Variants in RAB11FIP2 observed in about 807,000 individuals in gnomAD.
RAB11FIP2 encodes RAB11 family interacting protein 2.
A neutral mutation model predicts 40.9 loss-of-function variants in RAB11FIP2; 16 were observed. That is an observed-to-expected ratio of 0.39 (90% CI 0.26 to 0.59). The LOEUF is 0.59. Among genes scored for constraint, RAB11FIP2 ranks in the 20% least tolerant of loss-of-function variants. The pLI, the probability that RAB11FIP2 is intolerant of heterozygous loss-of-function variation, is 0.53. For synonymous variants in RAB11FIP2, 228 were observed against 213.7 expected (o/e 1.07, Z -0.58); for missense variants, 532 against 606.2 (o/e 0.88, Z 1.28).
intron 4 of RAB11FIP2, among the ~76,000 whole-genome samples, chr10:118,014,859 T>C (rs1249499901): frequency 1.3e-5 from 2 of 152,190 alleles, no homozygotes; most frequent in Non-Finnish European, 2.9e-5. Flanking sequence ...TGAACTTTCA[T>C]AGATCATACG....
intron 3 of RAB11FIP2, among the ~76,000 whole-genome samples, chr10:118,036,389 T>C (rs1163020832): frequency 1.3e-5 from 2 of 152,078 alleles, no homozygotes; most frequent in Non-Finnish European, 2.9e-5. Context: ...CAAAAGTGCA[T>C]TCGGTTAGGA....
intron 3 of RAB11FIP2, among the ~76,000 whole-genome samples, chr10:118,030,524 C>T (rs12355675): frequency 3.3e-5 from 5 of 152,104 alleles, no homozygotes; most frequent in Admixed American, 6.6e-5. Flanking sequence ...TACAGTCTCT[C>T]TAAAGAGGTC....
chr10:118,013,607 C>T (rs544806189), intron 4 of RAB11FIP2, among the ~76,000 whole-genome samples: 2 of 152,154 alleles, frequency 1.3e-5, no homozygotes, highest in African/African-American at 2.4e-5. Context: ...ATGATCAGTA[C>T]GAAGATGCGC....
chr10:118,030,450 C>A (rs565245888), intron 3 of RAB11FIP2, among the ~76,000 whole-genome samples: 1 of 152,198 alleles, frequency 6.6e-6, no homozygotes, highest in South Asian at 2.1e-4. Context: ...ATTACCTAAA[C>A]TATATCTCCA....
intron 4 of RAB11FIP2, among the ~76,000 whole-genome samples, chr10:118,010,388 T>C (rs1846141778): frequency 6.6e-6 from 1 of 152,136 alleles, no homozygotes; most frequent in Non-Finnish European, 1.5e-5. Flanking sequence ...ATCTATTCAG[T>C]GGAGGATGGG....
In RAB11FIP2 at chr10:118,008,797, A is replaced by C. The variant is rs1846123882; in HGVS notation, c.*201T>G. The C allele has an allele frequency of 3.5e-6, 2 of 565,848 alleles. No homozygotes were observed. The highest frequency in any genetic ancestry group is 6.3e-6 in the Non-Finnish European group (2 of 319,342). The allele number at this position is 565,848 out of a possible 1,614,324, so 35.1% of individuals were successfully genotyped here. A position where few individuals can be genotyped will look rare whatever the true frequency, so the allele number is the denominator to read the frequency against. ...GAGAATCTGGCCCATTTTCAATTTA[A>C]ACATTTAAATGATTTAGCTTGCTTC... On this transcript the variant is annotated 3_prime_UTR_variant, in exon 5 of 5. Coordinates refer to ENST00000355624, the MANE Select transcript of RAB11FIP2 (RefSeq NM_014904.3).
rs1207556682 is a variant in RAB11FIP2, at chr10:118,046,366, T to C, written c.-203A>G. On this transcript the variant is annotated 5_prime_UTR_variant, in exon 1 of 5. Transcript: ENST00000355624. Reference sequence around the variant, plus strand: ...CGGCCGCTCCGGGGGTCCCCTTTCGTCTGGAGAAACACAGAGGCCCACCAT... The same window carrying C: ...CGGCCGCTCCGGGGGTCCCCTTTCGCCTGGAGAAACACAGAGGCCCACCAT... 1.7e-6 allele frequency: 1 copy of C among 582,504 alleles called. No individual in the cohort carries two copies. Among genetic ancestry groups the C allele is most frequent in the Non-Finnish European group, 3.0e-6 (1 of 329,446 alleles). 36.1% of individuals were successfully genotyped at this position (582,504 alleles called of 1,614,324 possible).
chr10:118,019,691 T>C (rs1846260513), intron 3 of RAB11FIP2, among the ~76,000 whole-genome samples: 1 of 151,956 alleles, frequency 6.6e-6, no homozygotes, highest in Admixed American at 6.6e-5. Context: ...CCGGGCGTGG[T>C]GGCAGGCGCC....
Position 118,005,213 on chromosome 10 carries a change from G to A in RAB11FIP2, c.*3785C>T, listed in dbSNP as rs1846079616. On this transcript the variant is annotated 3_prime_UTR_variant, in exon 5 of 5. Transcript: ENST00000355624. ...AAAACACAAACCATCTGGAAGCTTC[G>A]AAGACTAACAGGCCCACATGTATCA... is the stretch of plus-strand genomic sequence containing the variant. The A allele has an allele frequency of 6.6e-6, 1 of 152,478 alleles. No homozygotes were observed. 9.4% of individuals were successfully genotyped at this position (152,478 alleles called of 1,614,324 possible).
intron 2 of RAB11FIP2, chr10:118,039,681 A>C: frequency 6.5e-6 from 3 of 461,192 alleles, no homozygotes; most frequent in Non-Finnish European, 1.1e-5. Context: ...ACAATCATAT[A>C]AACTATGATG....
In RAB11FIP2 at chr10:118,009,216, G is replaced by A; in HGVS notation, c.1321C>T (p.Pro441Ser). The change falls in exon 5 of 5, where the codon CCC becomes TCC. Residue 441 changes from proline to serine, a missense_variant. Physicochemically the swap from Pro to Ser is moderately conservative, Grantham distance 74 (BLOSUM62 -1). Coordinates refer to ENST00000355624, the MANE Select transcript of RAB11FIP2 (RefSeq NM_014904.3). Reference protein sequence around the residue: ...EDLRKIPDSNPFDATAGYRSL... With the variant: ...EDLRKIPDSNSFDATAGYRSL... ...CGATACCCTGCAGTGGCATCAAAGG[G>A]GTTGCTGTCCTAGAACAGGATAAAG... The A allele has an allele frequency of 6.2e-7, 1 of 1,612,212 alleles. No homozygotes were observed. The highest frequency in any genetic ancestry group is 8.5e-7 in the Non-Finnish European group (1 of 1,178,556).
intron 3 of RAB11FIP2, among the ~76,000 whole-genome samples, chr10:118,019,010 C>T (rs1846253061): frequency 4.0e-5 from 6 of 150,616 alleles, no homozygotes. Context: ...GTGTACAGTG[C>T]TTGCAAAGAT....
At chr10:118,037,227 TA>T (rs1230489336) in intron 3 of RAB11FIP2, among the ~76,000 whole-genome samples, 1 of 152,100 alleles carries the variant, frequency 6.6e-6, no homozygotes, top group Non-Finnish European at 1.5e-5. Flanking sequence ...ATCAAAACTA[TA>T]AACTCTTCAA....
At chr10:118,030,801 T>A (rs376544236) in intron 3 of RAB11FIP2, among the ~76,000 whole-genome samples, 1 of 152,092 alleles carries the variant, frequency 6.6e-6, no homozygotes, top group South Asian at 2.1e-4. Flanking sequence ...AGCACAAGGA[T>A]GGCATCGCTG....
intron 3 of RAB11FIP2, among the ~76,000 whole-genome samples, chr10:118,038,201 C>A (rs1041119384): frequency 1.3e-5 from 2 of 150,640 alleles, no homozygotes; most frequent in Non-Finnish European, 3.0e-5. Context: ...AATCCATAAC[C>A]ATATTTAAAT....
intron 4 of RAB11FIP2, among the ~76,000 whole-genome samples, chr10:118,013,327 AC>A (rs1271044762): frequency 2.0e-5 from 3 of 151,794 alleles, no homozygotes; most frequent in African/African-American, 7.3e-5. Context: ...CTTTTGTCCT[AC>A]TCCCTTCATC....
At position 118,040,300 on chromosome 10, in the gene RAB11FIP2, T is replaced by C. The variant is rs1846539142; in HGVS notation, c.619A>G (p.Met207Val). The C allele has an allele frequency of 6.2e-7, 1 of 1,613,924 alleles. No homozygotes were observed. Among genetic ancestry groups the C allele is most frequent in the African/African-American group, 1.3e-5 (1 of 75,036 alleles). Residue 207 changes from methionine to valine, a missense_variant, in exon 2 of 5, where the codon ATG becomes GTG. By Grantham distance (21) the Met-to-Val change is conservative (BLOSUM62 1). Coordinates refer to ENST00000355624, the MANE Select transcript of RAB11FIP2 (RefSeq NM_014904.3). Reference sequence around the variant, plus strand: ...AAAGGCTTTTTTGGTTTGGATTTCATCTGTATTTCACCACTTGAAAATTCA... The same window carrying C: ...AAAGGCTTTTTTGGTTTGGATTTCACCTGTATTTCACCACTTGAAAATTCA... ...NSEFSSGEIQ[M>V]KSKPKKPFLL... is the part of the protein sequence containing the mutation.
At chr10:118,034,020 T>G (rs534001475) in intron 3 of RAB11FIP2, 1 of 702,096 alleles carries the variant, frequency 1.4e-6, no homozygotes, top group South Asian at 1.5e-5. Flanking sequence ...ATTCAGCTAC[T>G]GCAGGGGTCA....
At position 118,007,199 on chromosome 10, in the gene RAB11FIP2, C is replaced by T. The variant is rs925219768; in HGVS notation, c.*1799G>A. ...AAAAAAAAACTACCAAGACCTCAAACGGGAAAATACCATTCTACACCAGAC... is the reference window on the plus strand; with the variant it reads ...AAAAAAAAACTACCAAGACCTCAAATGGGAAAATACCATTCTACACCAGAC... On this transcript the variant is annotated 3_prime_UTR_variant, in exon 5 of 5. Transcript: ENST00000355624. 9 of 148,334 alleles carry T rather than the reference C, an allele frequency of 6.1e-5. No homozygotes were observed. The highest frequency in any genetic ancestry group is 1.5e-4 in the African/African-American group (6 of 40,408). 9.2% of individuals were successfully genotyped at this position (148,334 alleles called of 1,614,324 possible). A position where few individuals can be genotyped will look rare whatever the true frequency, so the allele number is the denominator to read the frequency against.
Sources: allele counts gnomAD v4.1 joint callset (sites outside exome capture counted in the v4.1 genomes callset), GRCh38; gene constraint gnomAD v4.1.1; transcripts MANE v1.5; gene names NCBI Gene and HGNC (gene_info 2026-07-23, HGNC 2026-07-21).